The following DLG5 variants were observed in gnomAD, a reference collection of about 807,000 sequenced individuals.
The protein encoded by DLG5 is disks large homolog 5.
In DLG5, 48 loss-of-function variants were observed where a neutral mutation model predicts 189.8. That is an observed-to-expected ratio of 0.25 (90% CI 0.20 to 0.32). The LOEUF (loss-of-function observed/expected upper bound fraction) is 0.32. Among genes scored for constraint, DLG5 ranks in the 10% least tolerant of loss-of-function variants. The pLI, the probability that DLG5 is intolerant of heterozygous loss-of-function variation, is 1.00. For missense variants in DLG5, 2,160 were observed against 2,544.7 expected (o/e 0.85, Z 3.25); for synonymous variants, 1,016 against 1,054.1 (o/e 0.96, Z 0.70).
At position 77,819,798 on chromosome 10, in the gene DLG5, T is replaced by C. The variant is rs555974190; in HGVS notation, c.3526+97A>G. The C allele has an allele frequency of 3.4e-6, 5 of 1,486,502 alleles. No individual in the cohort carries two copies. In the Admixed American group the frequency reaches 7.0e-5, roughly 21 times the overall value. The allele number at this position is 1,486,502 out of a possible 1,614,324, so 92.1% of individuals were successfully genotyped here. A position where few individuals can be genotyped will look rare whatever the true frequency, so the allele number is the denominator to read the frequency against. The stretch of plus-strand genomic sequence containing the variant: ...TCTGGACCTCAGGGCTGAAAACACA[T>C]GGCAGCTCTCTGAAATGCTGCCTCC... On this transcript the variant is annotated intron_variant, in intron 16 of 31. Coordinates refer to ENST00000372391, the MANE Select transcript of DLG5 (RefSeq NM_004747.4).
chr10:77,895,641 A>T (rs941093851), intron 1 of DLG5, among the ~76,000 whole-genome samples: 26 of 152,254 alleles, frequency 1.7e-4, no homozygotes, highest in African/African-American at 5.5e-4. Context: ...CTGTAAAAAA[A>T]GGATAGCAGA....
At chr10:77,879,523 C>A (rs994894021) in intron 1 of DLG5, among the ~76,000 whole-genome samples, 3 of 151,898 alleles carry the variant, frequency 2.0e-5, no homozygotes, top group African/African-American at 4.8e-5. Context: ...AGCATAGAAA[C>A]AAGTCAGACA....
At chr10:77,918,570 A>G (rs1435304653) in intron 1 of DLG5, among the ~76,000 whole-genome samples, 1 of 152,230 alleles carries the variant, frequency 6.6e-6, no homozygotes, top group Non-Finnish European at 1.5e-5. Flanking sequence ...ATAGACTGCC[A>G]ACATGGGACG....
rs747130524 is a variant in DLG5, at chr10:77,805,674, G to A, written c.5155C>T (p.Leu1719Phe). 27 of 1,609,120 alleles carry A rather than the reference G, an allele frequency of 1.7e-5. No homozygotes were observed. Among genetic ancestry groups the A allele is most frequent in the Admixed American group, 1.5e-4 (9 of 59,810 alleles). The change falls in exon 27 of 32, where the codon CTC (leucine) becomes TTC (phenylalanine). Residue 1719 changes from leucine to phenylalanine, a missense_variant. By Grantham distance (22) the Leu-to-Phe change is conservative (BLOSUM62 0). Coordinates refer to ENST00000372391, the MANE Select transcript of DLG5 (RefSeq NM_004747.4). ...LDAFSSDSIP[L>F]FEDSVSLAYQ... ...GAGCTCAGCCACTTGCCTTCAAAGA[G>A]TGGAATGGAGTCACTGGAAAAGGCA... is the stretch of plus-strand genomic sequence containing the variant.
At chr10:77,903,371 T>C (rs1462235902) in intron 1 of DLG5, among the ~76,000 whole-genome samples, 1 of 151,586 alleles carries the variant, frequency 6.6e-6, no homozygotes, top group Non-Finnish European at 1.5e-5. Context: ...GAGGTTGCAG[T>C]GAGCTGAGAT....
At chr10:77,924,077 C>G (rs1371537188) in intron 1 of DLG5, among the ~76,000 whole-genome samples, 1 of 152,146 alleles carries the variant, frequency 6.6e-6, no homozygotes, top group Admixed American at 6.5e-5. Context: ...GTTGGCCAGG[C>G]TGGTCTCGAA....
chr10:77,869,540 T>C (rs1020732520), intron 1 of DLG5: 6 of 325,954 alleles, frequency 1.8e-5, no homozygotes, highest in Middle Eastern at 8.7e-4. Flanking sequence ...TTCCTCCACA[T>C]CTCTAGCAAT....
At chr10:77,847,433 C>T (rs879404588) in intron 5 of DLG5, among the ~76,000 whole-genome samples, 1 of 152,156 alleles carries the variant, frequency 6.6e-6, no homozygotes, top group Non-Finnish European at 1.5e-5. Flanking sequence ...CATCCAGATA[C>T]TCAAAGAGGC....
At chr10:77,807,334 C>T (rs1841528875) in intron 25 of DLG5, among the ~76,000 whole-genome samples, 1 of 152,172 alleles carries the variant, frequency 6.6e-6, no homozygotes, top group Admixed American at 6.5e-5. Flanking sequence ...TGTTCTCATG[C>T]TTTCTGTGAT....
intron 1 of DLG5, among the ~76,000 whole-genome samples, chr10:77,885,556 C>A (rs1845412330): frequency 1.3e-5 from 2 of 152,188 alleles, no homozygotes. Flanking sequence ...GTGCCAGCCC[C>A]CAAAGATTCC....
At position 77,828,948 on chromosome 10, in the gene DLG5, G is replaced by C. The variant is rs35323061; in HGVS notation, c.2223C>G (p.Ala741=). ...CGGCAGGGCTTCCAGGCAGCACAGC[G>C]GCAGCATACACTCCATTCTCCAGAC... ...GISLENGVYA[A]AVLPGSPAAK... is the part of the protein sequence containing the mutation. The change falls in exon 13 of 32, where the codon GCC becomes GCG. Residue 741 remains alanine (A), a synonymous_variant. Transcript: ENST00000372391. The C allele has an allele frequency of 1.2e-6, 2 of 1,614,112 alleles. No homozygotes were observed. The highest frequency in any genetic ancestry group is 1.7e-6 in the Non-Finnish European group (2 of 1,180,024).
intron 1 of DLG5, among the ~76,000 whole-genome samples, chr10:77,872,554 C>T (rs1351765191): frequency 6.6e-6 from 1 of 152,054 alleles, no homozygotes; most frequent in African/African-American, 2.4e-5. Context: ...TGGACAGGAC[C>T]CAGTTTTTAC....
chr10:77,819,738 C>T, intron 16 of DLG5, 157 bp downstream of exon 16: 1 of 1,300,794 alleles, frequency 7.7e-7, no homozygotes, highest in Non-Finnish European at 1.0e-6. Flanking sequence ...GGCTATAAGA[C>T]AAACCATCCC....
At chr10:77,908,058 C>T (rs1248412958) in intron 1 of DLG5, among the ~76,000 whole-genome samples, 1 of 152,142 alleles carries the variant, frequency 6.6e-6, no homozygotes, top group Non-Finnish European at 1.5e-5. Flanking sequence ...GAGGGAGTCA[C>T]GGATCCCACT....
rs778759674 is a variant in DLG5 at position 77,792,447 on chromosome 10, G to T, written c.5753C>A (p.Pro1918Gln). 2.5e-6 allele frequency: 4 copies of T among 1,614,146 alleles called. No individual in the cohort carries two copies. Among genetic ancestry groups the T allele is most frequent in the Admixed American group, 3.3e-5 (2 of 60,024 alleles). The change falls in exon 32 of 32, where the codon CCG becomes CAG. Residue 1918 changes from proline to glutamine, a missense_variant. Physicochemically the swap from Pro to Gln is moderately conservative, Grantham distance 76. Coordinates refer to ENST00000372391, the MANE Select transcript of DLG5 (RefSeq NM_004747.4). ...QNKVLWIPAC[P>Q]L ...CCACAGCACAGCATTCTCCTAGAGC[G>T]GGCAGGCTGGAATCCACAGGACTTT... is the stretch of plus-strand genomic sequence containing the variant.
chr10:77,874,855 A>G (rs1589243166), intron 1 of DLG5, among the ~76,000 whole-genome samples: 1 of 152,306 alleles, frequency 6.6e-6, no homozygotes, highest in Middle Eastern at 3.4e-3. Context: ...CTGCTGTTCA[A>G]TTCCTCAATT....
chr10:77,847,640 CCACATG>C (rs1224586710), intron 5 of DLG5, among the ~76,000 whole-genome samples: 3 of 152,152 alleles, frequency 2.0e-5, no homozygotes. Flanking sequence ...GTAGGTATTT[CCACATG>C]CACATGCACA....
At chr10:77,818,824 C>A (rs1216556392) in intron 17 of DLG5, among the ~76,000 whole-genome samples, 1 of 151,884 alleles carries the variant, frequency 6.6e-6, no homozygotes, top group East Asian at 1.9e-4. Context: ...AAAAACCACA[C>A]GACATGAGCT....
chr10:77,809,518 C>T, intron 24 of DLG5, 29 bp downstream of exon 24: 1 of 1,594,870 alleles, frequency 6.3e-7, no homozygotes, highest in Admixed American at 1.7e-5. Context: ...TAGATGGAGG[C>T]CTGGCCTGCT....
Sources: allele counts gnomAD v4.1 joint callset (sites outside exome capture counted in the v4.1 genomes callset), GRCh38; gene constraint gnomAD v4.1.1; transcripts MANE v1.5; gene names NCBI Gene and HGNC (gene_info 2026-07-23, HGNC 2026-07-21).